SMG1: variants seen among roughly 807,000 people sequenced by gnomAD.
The protein encoded by SMG1 is SMG1 nonsense mediated mRNA decay associated PI3K related kinase, also known as serine/threonine-protein kinase SMG1.
In SMG1, 22 loss-of-function variants were observed where a neutral mutation model predicts 419.9. That is an observed-to-expected ratio of 0.05 (90% CI 0.04 to 0.07). SMG1 has a LOEUF of 0.07. Among genes scored for constraint, SMG1 ranks in the 10% least tolerant of loss-of-function variants. The pLI is 1.00. For synonymous variants in SMG1, 1,538 were observed against 1,553.5 expected (o/e 0.99, Z 0.23); for missense variants, 3,185 against 4,342.0 (o/e 0.73, Z 7.49).
intron 1 of SMG1, chr16:18,925,707 A>T (rs1332507905): frequency 7.2e-6 from 1 of 139,212 alleles, no homozygotes; most frequent in Admixed American, 1.0e-4. Flanking sequence ...GGCCAGTGCC[A>T]CCGCCGGGAG....
chr16:18,853,211 C>A (rs1567370560), intron 31 of SMG1, among the ~76,000 whole-genome samples: 1 of 152,166 alleles, frequency 6.6e-6, no homozygotes, highest in Non-Finnish European at 1.5e-5. Context: ...AGCACTAGCA[C>A]CAGAATGGGA....
rs1198488974 is a variant in SMG1 at position 18,842,402 on chromosome 16, C to T, written c.6272G>A (p.Arg2091His). ...CAACCATGGACTGATTTCTTCAAGA[C>T]GCAAGATGTAACTTGCACGTTTCTG... is the stretch of plus-strand genomic sequence containing the variant. Reference protein sequence around the residue: ...RAQKRASYILRLEEISPWLAA... With the variant: ...RAQKRASYILHLEEISPWLAA... Residue 2091 changes from arginine to histidine, a missense_variant, in exon 40 of 63, where the codon CGT (arginine) becomes CAT (histidine). Arg to His is a conservative substitution (Grantham distance 29). Transcript: ENST00000446231. 9.3e-6 allele frequency: 15 copies of T among 1,613,854 alleles called. No individual in the cohort carries two copies. Among genetic ancestry groups the T allele is most frequent in the East Asian group, 4.5e-5 (2 of 44,898 alleles).
chr16:18,907,070 G>A (rs1380240300), intron 1 of SMG1, among the ~76,000 whole-genome samples: 1 of 152,052 alleles, frequency 6.6e-6, no homozygotes, highest in Admixed American at 6.6e-5. Flanking sequence ...GATCACTTGA[G>A]GTCAGGAGTT....
At chr16:18,811,892 A>G (rs1341153306) in intron 61 of SMG1, 25 bp from the exon 62 acceptor site, 2 of 1,613,310 alleles carry the variant, frequency 1.2e-6, no homozygotes, top group East Asian at 4.5e-5. Flanking sequence ...AAACATACGT[A>G]AGTCAAACCG....
intron 43 of SMG1, 31 bp downstream of exon 43, chr16:18,838,520 C>G: frequency 6.2e-7 from 1 of 1,613,896 alleles, no homozygotes; most frequent in African/African-American, 1.3e-5. Flanking sequence ...ACATTTGGCC[C>G]TCATAAATGT....
rs185116396 is a variant in SMG1, at chr16:18,874,797, C to T, written c.1890+1327G>A. ...AGGAGAATTGCTGGAACCCGGGAGG[C>T]AGAGGTGGCAGTGAGCCGAGATTGC... On this transcript the variant is annotated intron_variant, in intron 13 of 62. Coordinates refer to ENST00000446231, the MANE Select transcript of SMG1 (RefSeq NM_015092.5). 9.1e-3 allele frequency among the ~76,000 whole-genome samples: 1,100 copies of T among 120,226 alleles called. 40 individuals are homozygous for T. Among genetic ancestry groups the T allele is most frequent in the Admixed American group, 0.091 (859 of 9,480 alleles). 78.9% of individuals were successfully genotyped at this position (120,226 alleles called of 152,430 possible).
intron 1 of SMG1, among the ~76,000 whole-genome samples, chr16:18,916,558 T>C (rs1166737365): frequency 7.1e-6 from 1 of 140,374 alleles, no homozygotes; most frequent in Non-Finnish European, 1.5e-5. Flanking sequence ...TAAAACCAAG[T>C]ATCTCTGCAT....
intron 1 of SMG1, 120 bp from the exon 2 acceptor site, chr16:18,897,076 CTATATAT>C (rs974672519): frequency 5.7e-5 from 37 of 654,344 alleles, no homozygotes; most frequent in Non-Finnish European, 9.6e-5. Context: ...GTAATATGTA[CTATATAT>C]TATATGTAAG....
intron 45 of SMG1, 119 bp from the exon 46 acceptor site, chr16:18,837,562 G>T: frequency 1.2e-6 from 1 of 803,690 alleles, no homozygotes; most frequent in Non-Finnish European, 1.9e-6. Context: ...AAGGGGTGAT[G>T]CGTTGCCTCC....
chr16:18,864,060 C>T lies in SMG1; in HGVS notation c.3435G>A (p.Ser1145=), dbSNP rs749417131. 101 of 1,549,706 alleles carry T rather than the reference C, an allele frequency of 6.5e-5. No individual in the cohort carries two copies. The highest frequency in any genetic ancestry group is 8.3e-5 in the Non-Finnish European group (95 of 1,146,916). The change falls in exon 24 of 63, where the codon TCG becomes TCA. Residue 1145 remains serine, a synonymous_variant. Transcript: ENST00000446231. ...GCCCAGCATTGGCTAAGGTGAGCAC[C>T]GATTTGTCAAAGCTGGAGATGCAGC... ...VDCCISSFDK[S]VLTLANAGRN... is the part of the protein sequence containing the mutation.
In SMG1 at chr16:18,806,884, G is replaced by A. The variant is rs900974794; in HGVS notation, c.*2685C>T. 1 of 152,272 alleles carries A rather than the reference G, an allele frequency of 6.6e-6. No homozygotes were observed. Among genetic ancestry groups the A allele is most frequent in the South Asian group, 2.1e-4 (1 of 4,820 alleles). The allele number at this position is 152,272 out of a possible 1,614,324, so 9.4% of individuals were successfully genotyped here. A position where few individuals can be genotyped will look rare whatever the true frequency, so the allele number is the denominator to read the frequency against. Reference sequence around the variant, plus strand: ...CAGTCTAACTGCTGAGGTCTCTTACGAAAGTTCAAATGGCAAGTCACCTTG... The same window carrying A: ...CAGTCTAACTGCTGAGGTCTCTTACAAAAGTTCAAATGGCAAGTCACCTTG... On this transcript the variant is annotated 3_prime_UTR_variant, in exon 63 of 63. Transcript: ENST00000446231.
In SMG1 at chr16:18,805,283, A is replaced by G. The variant is rs2030721701; in HGVS notation, c.*4286T>C. On this transcript the variant is annotated 3_prime_UTR_variant, in exon 63 of 63. Coordinates refer to ENST00000446231, the MANE Select transcript of SMG1 (RefSeq NM_015092.5). ...AACTTTGTCAAAAAAAGAAAAAACT[A>G]TTAGCCTGTTTTCAAAGAAAAACAT... 1 of 152,244 alleles carries G rather than the reference A, an allele frequency of 6.6e-6. No homozygotes were observed. The highest frequency in any genetic ancestry group is 6.5e-5 in the Admixed American group (1 of 15,284). The allele number at this position is 152,244 out of a possible 1,614,324, so 9.4% of individuals were successfully genotyped here.
intron 1 of SMG1, among the ~76,000 whole-genome samples, chr16:18,910,152 G>A (rs530394859): frequency 1.1e-4 from 17 of 149,666 alleles, no homozygotes; most frequent in African/African-American, 3.7e-4. Flanking sequence ...CAGTAGCCTC[G>A]ACCTCCTGGG....
At chr16:18,859,232 C>T in intron 27 of SMG1, 51 bp from the exon 28 acceptor site, 6 of 1,427,900 alleles carry the variant, frequency 4.2e-6, no homozygotes, top group Non-Finnish European at 5.7e-6. Flanking sequence ...TTCATAACCA[C>T]TCAAAGAATA....
chr16:18,908,752 C>T (rs749816082), intron 1 of SMG1, among the ~76,000 whole-genome samples: 6 of 151,734 alleles, frequency 4.0e-5, no homozygotes, highest in Non-Finnish European at 7.4e-5. Context: ...TGGTGGCAGG[C>T]GCCTGAAGTC....
At chr16:18,891,469 C>G (rs71382577) in intron 4 of SMG1, among the ~76,000 whole-genome samples, 1 of 146,978 alleles carries the variant, frequency 6.8e-6, no homozygotes, top group Non-Finnish European at 1.5e-5. Flanking sequence ...GAGTTTCACT[C>G]TTTTTGCCCA....
intron 55 of SMG1, among the ~76,000 whole-genome samples, chr16:18,822,385 T>G (rs2141167109): frequency 1.3e-5 from 1 of 79,806 alleles, no homozygotes; most frequent in South Asian, 4.5e-4. Flanking sequence ...TTTTATGGTT[T>G]TAGGTCTAAC....
At chr16:18,899,271 A>G (rs2037253780) in intron 1 of SMG1, among the ~76,000 whole-genome samples, 1 of 152,130 alleles carries the variant, frequency 6.6e-6, no homozygotes, top group Admixed American at 6.6e-5. Flanking sequence ...CTGTAAAACC[A>G]GGAGCCGCTT....
chr16:18,850,528 T>C (rs965680509), intron 33 of SMG1, 61 bp from the exon 34 acceptor site: 6 of 1,194,414 alleles, frequency 5.0e-6, no homozygotes, highest in African/African-American at 4.6e-5. Flanking sequence ...GAAAAAGGTA[T>C]GTAATTTGAC....
Sources: allele counts gnomAD v4.1 joint callset (sites outside exome capture counted in the v4.1 genomes callset), GRCh38; gene constraint gnomAD v4.1.1; transcripts MANE v1.5; gene names NCBI Gene and HGNC (gene_info 2026-07-23, HGNC 2026-07-21).